Variants in PJA2 observed in about 807,000 individuals in gnomAD.
PJA2 encodes the protein praja ring finger ubiquitin ligase 2, also known as E3 ubiquitin-protein ligase Praja-2.
PJA2 carries 25 observed loss-of-function variants against 69.3 expected under a neutral mutation model. The ratio of observed to expected loss-of-function variants is 0.36; its 90% CI spans 0.26 to 0.50. The LOEUF is 0.50. PJA2 is among the 20% of genes least tolerant of loss of function. The pLI is 0.96. For missense variants in PJA2, 809 were observed against 830.2 expected (o/e 0.97, Z 0.31); for synonymous variants, 308 against 277.8 (o/e 1.11, Z -1.08).
intron 1 of PJA2, among the ~76,000 whole-genome samples, chr5:109,404,942 G>A (rs1396857466): frequency 1.3e-5 from 2 of 152,158 alleles, no homozygotes; most frequent in African/African-American, 2.4e-5. Context: ...GGAGGTCTTA[G>A]CCAGTCTAAG....
chr5:109,357,057 C>A (rs1277137860), intron 6 of PJA2, among the ~76,000 whole-genome samples: 1 of 152,072 alleles, frequency 6.6e-6, no homozygotes, highest in African/African-American at 2.4e-5. Flanking sequence ...TATATTCAAG[C>A]CCATTTTCTT....
At chr5:109,342,839 AG>A (rs1762100941) in intron 9 of PJA2, among the ~76,000 whole-genome samples, 1 of 46,978 alleles carries the variant, frequency 2.1e-5, no homozygotes. Context: ...TTGGGGGGTC[AG>A]CCCCCCGCCC....
At chr5:109,368,781 TGTTCA>T (rs762656308) in intron 4 of PJA2, 35 bp from the exon 5 acceptor site, 30 of 1,563,788 alleles carry the variant, frequency 1.9e-5, no homozygotes, top group Non-Finnish European at 2.6e-5. Flanking sequence ...TATCATAATG[TGTTCA>T]GTTATTTTTA....
In PJA2 at chr5:109,378,940, G is replaced by T; in HGVS notation, c.547C>A (p.Leu183Ile). ...KHGEDNDHLQ[L>I]SAEVVEGSRY... ...CTACCTTCCACGACTTCTGCAGAAA[G>T]TTGAAGATGGTCATTATCTTCTCCA... The change falls in exon 4 of 10, where the codon CTT becomes ATT. Residue 183 changes from leucine (L) to isoleucine (I), a missense_variant. Transcript: ENST00000361189. 6.2e-7 allele frequency: 1 copy of T among 1,614,150 alleles called. No individual in the cohort carries two copies. Among genetic ancestry groups the T allele is most frequent in the Non-Finnish European group, 8.5e-7 (1 of 1,180,032 alleles).
At chr5:109,354,510 ATATC>A (rs1762371474) in intron 7 of PJA2, among the ~76,000 whole-genome samples, 1 of 38,766 alleles carries the variant, frequency 2.6e-5, no homozygotes, top group African/African-American at 1.1e-4. Context: ...ATAGATATCT[ATATC>A]GATATTAGAT....
In PJA2 at chr5:109,335,154, C is replaced by CTTAT. The variant is rs1761916909; in HGVS notation, c.*2073_*2076dup. ...TAGTATCTGAACTTGCCAGCCTTAGCTTATACCAGAGCTTGTTACCATGAA... is the reference window on the plus strand; with the variant it reads ...TAGTATCTGAACTTGCCAGCCTTAGCTTATTTATACCAGAGCTTGTTACCATGAA... On this transcript the variant is annotated 3_prime_UTR_variant, in exon 10 of 10. Coordinates refer to ENST00000361189, the MANE Select transcript of PJA2 (RefSeq NM_014819.5). 6.6e-6 allele frequency: 1 copy of CTTAT among 152,572 alleles called. No homozygotes were observed. The highest frequency in any genetic ancestry group is 2.1e-4 in the South Asian group (1 of 4,830). 9.5% of individuals were successfully genotyped at this position (152,572 alleles called of 1,614,324 possible).
chr5:109,400,301 A>AT (rs1425049948), intron 1 of PJA2, among the ~76,000 whole-genome samples: 1 of 151,808 alleles, frequency 6.6e-6, no homozygotes, highest in African/African-American at 2.4e-5. Flanking sequence ...AAAAAAAAAA[A>AT]GAAAAAGATA....
At position 109,358,637 on chromosome 5, in the gene PJA2, C is replaced by T. The variant is rs564310730; in HGVS notation, c.1653-2611G>A. ...GAGTTCAAGACCAGCCTGGGCAACACGGTGAAAGCCCGTATCTACAAAAAA... is the reference window on the plus strand; with the variant it reads ...GAGTTCAAGACCAGCCTGGGCAACATGGTGAAAGCCCGTATCTACAAAAAA... On this transcript the variant is annotated intron_variant, in intron 6 of 9. Coordinates refer to ENST00000361189, the MANE Select transcript of PJA2 (RefSeq NM_014819.5). Among the ~76,000 whole-genome samples the T allele has an allele frequency of 6.6e-5, 10 of 152,134 alleles. No individual in the cohort carries two copies. The South Asian group carries it at 1.7e-3, about 25-fold the overall frequency.
At chr5:109,349,744 G>C (rs954303579) in intron 7 of PJA2, among the ~76,000 whole-genome samples, 2 of 152,148 alleles carry the variant, frequency 1.3e-5, no homozygotes, top group African/African-American at 4.8e-5. Flanking sequence ...TGCCAGACAG[G>C]TGGTGGCTGC....
intron 9 of PJA2, among the ~76,000 whole-genome samples, chr5:109,342,185 C>T (rs1446521131): frequency 5.9e-5 from 5 of 84,490 alleles, no homozygotes; most frequent in Admixed American, 1.1e-4. Flanking sequence ...CCGCCCCGTC[C>T]GGGAGGGAGG....
intron 6 of PJA2, among the ~76,000 whole-genome samples, chr5:109,361,825 T>C (rs945743092): frequency 2.0e-5 from 3 of 152,332 alleles, no homozygotes; most frequent in South Asian, 2.1e-4. Flanking sequence ...CACATTTTTT[T>C]CCCCCTTGGG....
At chr5:109,386,120 CAA>C (rs749106741) in intron 1 of PJA2, among the ~76,000 whole-genome samples, 15 of 112,054 alleles carry the variant, frequency 1.3e-4, no homozygotes, top group Admixed American at 3.8e-4. Flanking sequence ...GACTCTGTCT[CAA>C]AAAAAAAAAA....
At chr5:109,382,847 C>CAAAA (rs376665394) in intron 2 of PJA2, among the ~76,000 whole-genome samples, 1 of 71,050 alleles carries the variant, frequency 1.4e-5, no homozygotes, top group Non-Finnish European at 2.9e-5. Context: ...AACTCCATCT[C>CAAAA]AAAAAAAAAA....
At chr5:109,384,168 A>C (rs546929876) in intron 1 of PJA2, among the ~76,000 whole-genome samples, 1 of 152,368 alleles carries the variant, frequency 6.6e-6, no homozygotes, top group African/African-American at 2.4e-5. Context: ...GGAGTCTACT[A>C]CACTGTGCTA....
chr5:109,342,306 C>T (rs1227712465), intron 9 of PJA2, among the ~76,000 whole-genome samples: 72 of 113,770 alleles, frequency 6.3e-4, no homozygotes, highest in African/African-American at 1.2e-3. Context: ...CCCGGCCAGC[C>T]GCCCTGTCCG....
intron 3 of PJA2, among the ~76,000 whole-genome samples, chr5:109,381,113 CAAA>C (rs1042716260): frequency 2.1e-5 from 2 of 95,502 alleles, no homozygotes; most frequent in Non-Finnish European, 2.2e-5. Context: ...GACTCCATCT[CAAA>C]AAAAAAAAAA....
chr5:109,370,017 A>C lies in PJA2; in HGVS notation c.1284-1271T>G, dbSNP rs112729207. Among the ~76,000 whole-genome samples, 1,007 of 135,650 alleles carry C rather than the reference A, an allele frequency of 7.4e-3. 10 individuals carry two copies. The highest frequency in any genetic ancestry group is 0.026 in the African/African-American group (939 of 35,902). 89.0% of individuals were successfully genotyped at this position (135,650 alleles called of 152,430 possible). A position where few individuals can be genotyped will look rare whatever the true frequency, so the allele number is the denominator to read the frequency against. ...ATCGCACTCCAGCCTGGGCAACAGGAGTGAAACTCCCTCTCAAAAAAAAAA... is the reference window on the plus strand; with the variant it reads ...ATCGCACTCCAGCCTGGGCAACAGGCGTGAAACTCCCTCTCAAAAAAAAAA... On this transcript the variant is annotated intron_variant, in intron 4 of 9. Coordinates refer to ENST00000361189, the MANE Select transcript of PJA2 (RefSeq NM_014819.5).
intron 7 of PJA2, among the ~76,000 whole-genome samples, chr5:109,347,409 T>C (rs1762188177): frequency 1.3e-5 from 2 of 152,252 alleles, no homozygotes; most frequent in African/African-American, 4.8e-5. Context: ...TGTGCACAGA[T>C]GGCTTCTCCA....
chr5:109,395,670 T>C (rs1036923675), intron 1 of PJA2, among the ~76,000 whole-genome samples: 23 of 152,236 alleles, frequency 1.5e-4, no homozygotes, highest in African/African-American at 4.8e-4. Context: ...ATAAGCTTGT[T>C]TTAAAGACAT....
Sources: allele counts gnomAD v4.1 joint callset (sites outside exome capture counted in the v4.1 genomes callset), GRCh38; gene constraint gnomAD v4.1.1; transcripts MANE v1.5; gene names NCBI Gene and HGNC (gene_info 2026-07-23, HGNC 2026-07-21).